SORCS3: variants seen among roughly 807,000 people sequenced by gnomAD.
The protein encoded by SORCS3 is sortilin related VPS10 domain containing receptor 3.
Under a neutral mutation model 146.3 loss-of-function variants are expected in SORCS3, and 57 were observed. That is an observed-to-expected ratio of 0.39 (90% CI 0.31 to 0.49). The LOEUF is 0.49. SORCS3 is among the 20% of genes least tolerant of loss of function. The pLI, the probability that SORCS3 is intolerant of heterozygous loss-of-function variation, is 0.92. For missense variants in SORCS3, 1,341 were observed against 1,575.5 expected, an observed-to-expected ratio of 0.85 and a Z score of 2.52; for synonymous variants, 653 against 618.5, an observed-to-expected ratio of 1.06 and a Z score of -0.83.
chr10:104,713,128 C>CGTGTGT (rs5787541), intron 1 of SORCS3, among the ~76,000 whole-genome samples: 1 of 150,052 alleles, frequency 6.7e-6, no homozygotes. Context: ...AGTGTGTGTG[C>CGTGTGT]GTGTGTGTGT....
intron 3 of SORCS3, among the ~76,000 whole-genome samples, chr10:104,947,492 G>A (rs1292230748): frequency 3.9e-5 from 6 of 152,114 alleles, no homozygotes; most frequent in Admixed American, 2.0e-4. Flanking sequence ...ACGGAGGCGG[G>A]GTCCTTTCAC....
At chr10:105,046,819 TA>T (rs1407302655) in intron 5 of SORCS3, among the ~76,000 whole-genome samples, 1 of 152,068 alleles carries the variant, frequency 6.6e-6, no homozygotes, top group Non-Finnish European at 1.5e-5. Context: ...ATTCCTTGTT[TA>T]TATGTGACCC....
At chr10:104,915,444 C>G (rs1488115880) in intron 2 of SORCS3, among the ~76,000 whole-genome samples, 1 of 150,304 alleles carries the variant, frequency 6.7e-6, no homozygotes, top group Non-Finnish European at 1.5e-5. Flanking sequence ...CCCATGGCCT[C>G]CACACACAAC....
At chr10:104,940,217 TATATATATATATATATA>T in intron 3 of SORCS3, among the ~76,000 whole-genome samples, 1 of 13,602 alleles carries the variant, frequency 7.4e-5, no homozygotes, top group East Asian at 2.9e-3. Flanking sequence ...TATATATATA[TATATATATATATATATA>T]TATATTTTTT....
At chr10:104,814,643 C>T (rs1589509171) in intron 1 of SORCS3, among the ~76,000 whole-genome samples, 1 of 152,188 alleles carries the variant, frequency 6.6e-6, no homozygotes, top group Non-Finnish European at 1.5e-5. Context: ...CCCAGACACT[C>T]TCATTATATT....
intron 20 of SORCS3, among the ~76,000 whole-genome samples, chr10:105,228,049 T>C (rs1054895032): frequency 6.7e-6 from 1 of 150,164 alleles, no homozygotes; most frequent in Non-Finnish European, 1.5e-5. Flanking sequence ...GTGTTTTAAA[T>C]CCATTTCATT....
At chr10:104,951,657 GTTAGGA>G (rs953845958) in intron 3 of SORCS3, among the ~76,000 whole-genome samples, 2 of 152,102 alleles carry the variant, frequency 1.3e-5, no homozygotes, top group African/African-American at 4.8e-5. Context: ...AAACCAACCT[GTTAGGA>G]TTACATAACA....
intron 2 of SORCS3, among the ~76,000 whole-genome samples, chr10:104,873,307 C>G (rs757821514): frequency 1.3e-5 from 2 of 152,186 alleles, no homozygotes; most frequent in Non-Finnish European, 1.5e-5. Flanking sequence ...CTGACCAGAT[C>G]ATCCTTGCTG....
chr10:105,069,884 C>T (rs2055546034), intron 5 of SORCS3, among the ~76,000 whole-genome samples: 1 of 152,148 alleles, frequency 6.6e-6, no homozygotes, highest in Non-Finnish European at 1.5e-5. Context: ...GTCTCTTTCC[C>T]TTTTTTCTTT....
intron 1 of SORCS3, among the ~76,000 whole-genome samples, chr10:104,841,685 G>A (rs1213219784): frequency 1.3e-5 from 2 of 151,928 alleles, no homozygotes; most frequent in African/African-American, 4.8e-5. Flanking sequence ...AATCTTAAAT[G>A]GATACCTAGA....
At chr10:105,174,656 A>G (rs1335291337) in intron 13 of SORCS3, among the ~76,000 whole-genome samples, 1 of 149,792 alleles carries the variant, frequency 6.7e-6, no homozygotes, top group Non-Finnish European at 1.5e-5. Flanking sequence ...GTGCTTACTT[A>G]TGTCATCTTT....
At chr10:105,239,748 G>A (rs1276695962) in intron 20 of SORCS3, among the ~76,000 whole-genome samples, 2 of 152,152 alleles carry the variant, frequency 1.3e-5, no homozygotes, top group Admixed American at 6.5e-5. Flanking sequence ...ACAGAGGTCT[G>A]GCTTAATAAA....
At chr10:104,870,691 G>A (rs1027764021) in intron 2 of SORCS3, among the ~76,000 whole-genome samples, 9 of 151,952 alleles carry the variant, frequency 5.9e-5, no homozygotes, top group Non-Finnish European at 1.0e-4. Flanking sequence ...CACTTGGAGA[G>A]GGAGAGCCTG....
chr10:105,241,949 C>T lies in SORCS3; in HGVS notation c.2869-3593C>T, dbSNP rs533196185. On this transcript the variant is annotated intron_variant, in intron 20 of 26. Transcript: ENST00000369701. ...AAGAATAGGGATCAATCAGAGAAAG[C>T]GCACCAAACAGGGAGAAAAGTTTTC... 7.2e-5 allele frequency among the ~76,000 whole-genome samples: 11 copies of T among 152,064 alleles called. No individual in the cohort carries two copies. In the South Asian group the frequency reaches 1.2e-3, roughly 17 times the overall value.
chr10:105,038,078 T>C (rs574567533), intron 4 of SORCS3, among the ~76,000 whole-genome samples: 1 of 152,262 alleles, frequency 6.6e-6, no homozygotes, highest in East Asian at 1.9e-4. Context: ...TTTGTGCTTG[T>C]TAAAAGATAT....
Position 104,980,250 on chromosome 10 carries a change from C to T in SORCS3, c.954+2757C>T, listed in dbSNP as rs541718713. Among the ~76,000 whole-genome samples, 9 of 152,236 alleles carry T rather than the reference C, an allele frequency of 5.9e-5. No individual in the cohort carries two copies. The South Asian group carries it at 1.0e-3, about 18-fold the overall frequency. On this transcript the variant is annotated intron_variant, in intron 4 of 26. Transcript: ENST00000369701. Reference sequence around the variant, plus strand: ...TACTCTTTCTTGTTGACATCTTTTGCGTAAAGTGGCTGAATGTTCTTCAGG... The same window carrying T: ...TACTCTTTCTTGTTGACATCTTTTGTGTAAAGTGGCTGAATGTTCTTCAGG...
intron 8 of SORCS3, among the ~76,000 whole-genome samples, chr10:105,146,009 C>G (rs561048763): frequency 2.0e-5 from 3 of 152,072 alleles, no homozygotes; most frequent in Non-Finnish European, 4.4e-5. Context: ...TGGTCAAACA[C>G]AGTAAAGGCT....
At chr10:104,900,857 G>A (rs1312144548) in intron 2 of SORCS3, among the ~76,000 whole-genome samples, 3 of 129,268 alleles carry the variant, frequency 2.3e-5, no homozygotes, top group African/African-American at 8.8e-5. Context: ...TGGTGCCACT[G>A]TACTCCAGTG....
At chr10:105,188,055 A>G (rs902243792) in intron 14 of SORCS3, among the ~76,000 whole-genome samples, 2 of 150,920 alleles carry the variant, frequency 1.3e-5, no homozygotes, top group Non-Finnish European at 2.9e-5. Flanking sequence ...AAATTGGGGG[A>G]GATAGATAGT....
Sources: allele counts gnomAD v4.1 joint callset (sites outside exome capture counted in the v4.1 genomes callset), GRCh38; gene constraint gnomAD v4.1.1; transcripts MANE v1.5; gene names NCBI Gene and HGNC (gene_info 2026-07-23, HGNC 2026-07-21).